The following NDST3 variants were observed in gnomAD, a reference collection of about 807,000 sequenced individuals.
NDST3 encodes bifunctional heparan sulfate N-deacetylase/N-sulfotransferase 3.
NDST3 carries 58 observed loss-of-function variants against 96.1 expected under a neutral mutation model. That is an observed-to-expected ratio of 0.60 (90% confidence interval 0.49 to 0.75). The LOEUF is 0.75. Among genes scored for constraint, NDST3 ranks in the 30% least tolerant of loss-of-function variants. The pLI, the probability that NDST3 is intolerant of heterozygous loss-of-function variation, is 0.00. For missense variants in NDST3, 788 were observed against 1,034.2 expected (o/e 0.76, Z 3.27); for synonymous variants, 333 against 359.7 (o/e 0.93, Z 0.84).
At chr4:118,110,926 A>G (rs915763074) in intron 3 of NDST3, among the ~76,000 whole-genome samples, 27 of 152,306 alleles carry the variant, frequency 1.8e-4, no homozygotes, top group African/African-American at 6.3e-4. Flanking sequence ...GTGTCCATCA[A>G]TGGTGGATTG....
intron 6 of NDST3, among the ~76,000 whole-genome samples, chr4:118,184,545 C>T (rs898121889): frequency 6.6e-6 from 1 of 151,458 alleles, no homozygotes; most frequent in African/African-American, 2.4e-5. Flanking sequence ...CAAAATAAAT[C>T]TCTGTCTGTC....
At chr4:118,234,099 A>G (rs1578852647) in intron 9 of NDST3, among the ~76,000 whole-genome samples, 4 of 152,304 alleles carry the variant, frequency 2.6e-5, no homozygotes, top group Admixed American at 2.6e-4. Flanking sequence ...GTGTTACATA[A>G]CAGCTGGAAA....
chr4:118,185,068 A>G (rs963488432), intron 6 of NDST3, among the ~76,000 whole-genome samples: 1 of 152,222 alleles, frequency 6.6e-6, no homozygotes, highest in Non-Finnish European at 1.5e-5. Flanking sequence ...GTTAAGAGAC[A>G]CCAATGCTAA....
intron 8 of NDST3, among the ~76,000 whole-genome samples, chr4:118,231,260 C>T (rs1303918373): frequency 1.3e-5 from 2 of 151,672 alleles, no homozygotes; most frequent in Non-Finnish European, 2.9e-5. Context: ...CGCTTGAGCC[C>T]AGGAGGCAGA....
intron 6 of NDST3, among the ~76,000 whole-genome samples, chr4:118,147,447 T>C (rs1197145002): frequency 6.6e-6 from 1 of 152,236 alleles, no homozygotes; most frequent in Admixed American, 6.5e-5. Context: ...TTTACAATTA[T>C]ACAGAGTACT....
chr4:118,077,209 T>C (rs910648366), intron 2 of NDST3, among the ~76,000 whole-genome samples: 2 of 151,830 alleles, frequency 1.3e-5, no homozygotes, highest in Admixed American at 6.6e-5. Context: ...GATGGGGGGG[T>C]GCCAGCCAAA....
Position 118,143,607 on chromosome 4 carries a change from G to C in NDST3, c.1462G>C (p.Glu488Gln), listed in dbSNP as rs1229851109. The change falls in exon 6 of 14, where the codon GAA (glutamate) becomes CAA (glutamine). Residue 488 changes from glutamate (E) to glutamine (Q), a missense_variant. Glu to Gln is a conservative substitution (Grantham distance 29). Around this residue, in one of 3 missense-constraint regions of NDST3, gnomAD observed 490 missense variants for 708.8 expected, o/e 0.69. Transcript: ENST00000296499. ...GLFTHTIFYK[E>Q]YPGGPKELDK... Reference sequence around the variant, plus strand: ...TTTCACTCACACCATTTTCTACAAAGAATATCCAGGGGGTCCTAAAGAGCT... The same window carrying C: ...TTTCACTCACACCATTTTCTACAAACAATATCCAGGGGGTCCTAAAGAGCT... 1 of 1,609,226 alleles carries C rather than the reference G, an allele frequency of 6.2e-7. No homozygotes were observed. Among genetic ancestry groups the C allele is most frequent in the Admixed American group, 1.7e-5 (1 of 59,188 alleles).
chr4:118,162,054 G>T (rs1249515871), intron 6 of NDST3, among the ~76,000 whole-genome samples: 1 of 152,140 alleles, frequency 6.6e-6, no homozygotes, highest in Admixed American at 6.5e-5. Flanking sequence ...GGACGCGAAG[G>T]ACCTCTTCAA....
At chr4:118,142,355 T>C (rs1057169371) in intron 5 of NDST3, among the ~76,000 whole-genome samples, 1 of 152,092 alleles carries the variant, frequency 6.6e-6, no homozygotes, top group African/African-American at 2.4e-5. Context: ...AAGGACTAGA[T>C]TATACAATAG....
chr4:118,052,452 G>A (rs1225553634), intron 1 of NDST3, among the ~76,000 whole-genome samples: 1 of 151,952 alleles, frequency 6.6e-6, no homozygotes, highest in Non-Finnish European at 1.5e-5. Context: ...TTACTGCCTG[G>A]GTGACGGGAT....
intron 12 of NDST3, among the ~76,000 whole-genome samples, chr4:118,246,540 A>G (rs940878078): frequency 3.3e-5 from 5 of 152,146 alleles, no homozygotes; most frequent in Admixed American, 6.5e-5. Context: ...TGAGAGGCGG[A>G]GGTTGCAGTG....
At chr4:118,229,200 C>T (rs1452513411) in intron 8 of NDST3, among the ~76,000 whole-genome samples, 1 of 152,182 alleles carries the variant, frequency 6.6e-6, no homozygotes, top group Non-Finnish European at 1.5e-5. Context: ...ACTCAGGAGG[C>T]TGAGACAGGA....
rs536005729 is a variant in NDST3, at chr4:118,194,157, G to T, written c.1540-30334G>T. 242 of 858,604 alleles carry T rather than the reference G, an allele frequency of 2.8e-4. 3 individuals are homozygous for T. The South Asian group carries it at 3.1e-3, about 11-fold the overall frequency. 53.2% of individuals were successfully genotyped at this position (858,604 alleles called of 1,614,324 possible). On this transcript the variant is annotated intron_variant, in intron 6 of 13. Coordinates refer to ENST00000296499, the MANE Select transcript of NDST3 (RefSeq NM_004784.3). Reference sequence around the variant, plus strand: ...GAATGTTCTCCTTTCTACATGCACTGAATGGCCCTCTCCAGACCATAAGGC... The same window carrying T: ...GAATGTTCTCCTTTCTACATGCACTTAATGGCCCTCTCCAGACCATAAGGC...
chr4:118,217,100 T>C (rs1739238365), intron 6 of NDST3, among the ~76,000 whole-genome samples: 1 of 152,048 alleles, frequency 6.6e-6, no homozygotes, highest in Non-Finnish European at 1.5e-5. Context: ...TTGAGAGATA[T>C]GAAACAGTGG....
intron 4 of NDST3, among the ~76,000 whole-genome samples, chr4:118,119,239 T>G (rs1401911717): frequency 6.6e-6 from 1 of 152,180 alleles, no homozygotes; most frequent in Non-Finnish European, 1.5e-5. Flanking sequence ...CTTTTTAGAT[T>G]AGTGAGCATG....
intron 6 of NDST3, among the ~76,000 whole-genome samples, chr4:118,211,486 T>C (rs1398118630): frequency 6.6e-6 from 1 of 152,218 alleles, no homozygotes. Flanking sequence ...CTAATCACAG[T>C]AGCCTCACAT....
intron 2 of NDST3, among the ~76,000 whole-genome samples, chr4:118,074,169 C>A (rs1727307951): frequency 6.6e-6 from 1 of 151,996 alleles, no homozygotes; most frequent in African/African-American, 2.4e-5. Context: ...TTTTTTAAAT[C>A]TGCTGAGAAT....
In NDST3 at chr4:118,048,838, A is replaced by G. The variant is rs563900897; in HGVS notation, c.-155-4918A>G. On this transcript the variant is annotated intron_variant, in intron 1 of 13. Coordinates refer to ENST00000296499, the MANE Select transcript of NDST3 (RefSeq NM_004784.3). The stretch of plus-strand genomic sequence containing the variant: ...AGATACTCAAGGCAGAAAACTAATA[A>G]ACTCCGGACTTAAACTTGACACCTG... 8.8e-4 allele frequency among the ~76,000 whole-genome samples: 134 copies of G among 152,178 alleles called. 1 individual carries two copies. The highest frequency in any genetic ancestry group is 3.0e-3 in the African/African-American group (126 of 41,542).
chr4:118,074,791 T>G (rs1401700810), intron 2 of NDST3, among the ~76,000 whole-genome samples: 2 of 152,114 alleles, frequency 1.3e-5, no homozygotes, highest in African/African-American at 4.8e-5. Context: ...GTGTTTTTGG[T>G]GGGATATTAT....
Sources: allele counts gnomAD v4.1 joint callset (sites outside exome capture counted in the v4.1 genomes callset), GRCh38; gene constraint gnomAD v4.1.1; regional missense constraint gnomAD v4.1.1; transcripts MANE v1.5; gene names NCBI Gene and HGNC (gene_info 2026-07-23, HGNC 2026-07-21).